Variants in SEMA5A observed in about 807,000 individuals in gnomAD.
SEMA5A encodes the protein semaphorin 5A, also known as semaphorin-5A.
In SEMA5A, 55 loss-of-function variants were observed where a neutral mutation model predicts 135.5. The observed-to-expected ratio is 0.41, with a 90% CI of 0.33 to 0.51. The LOEUF (loss-of-function observed/expected upper bound fraction) is 0.51, where lower values mean the gene tolerates loss of function less well. Ranked by LOEUF, SEMA5A falls within the 20% of genes least tolerant of loss-of-function variation. The probability of loss-of-function intolerance (pLI) is 0.37; values close to 1 mark genes in which losing one functional copy is unlikely to be tolerated. For missense variants in SEMA5A, 1,290 were observed against 1,419.9 expected (o/e 0.91, Z 1.47); for synonymous variants, 580 against 546.5 (o/e 1.06, Z -0.85).
In SEMA5A at chr5:9,327,279, C is replaced by T. The variant is rs530464067; in HGVS notation, c.225-8862G>A. Among the ~76,000 whole-genome samples, 173 of 152,144 alleles carry T rather than the reference C, an allele frequency of 1.1e-3. 2 individuals are homozygous for T. The highest frequency in any genetic ancestry group is 4.1e-3 in the African/African-American group (169 of 41,488). On this transcript the variant is annotated intron_variant, in intron 4 of 22. Transcript: ENST00000382496. ...CTCCTCAGTCAGAATTTTCTCTACC[C>T]TCCTCAAAAATAGTAAATATGTATT...
At chr5:9,114,111 T>C (rs1740388467) in intron 15 of SEMA5A, among the ~76,000 whole-genome samples, 1 of 152,212 alleles carries the variant, frequency 6.6e-6, no homozygotes, top group African/African-American at 2.4e-5. Context: ...CTGAATCTTA[T>C]TCAGCCTTAC....
At chr5:9,352,094 C>CGTGG (rs1554023406) in intron 3 of SEMA5A, among the ~76,000 whole-genome samples, 1 of 132,252 alleles carries the variant, frequency 7.6e-6, no homozygotes, top group East Asian at 2.4e-4. Context: ...TGTAACAGGT[C>CGTGG]GGGGGGGTTA....
intron 4 of SEMA5A, among the ~76,000 whole-genome samples, chr5:9,322,785 C>T (rs1205362933): frequency 1.3e-5 from 2 of 152,122 alleles, no homozygotes; most frequent in South Asian, 2.1e-4. Context: ...CAAGGCCCCA[C>T]CTATTAGTTA....
At chr5:9,390,210 T>C (rs1396264749) in intron 2 of SEMA5A, among the ~76,000 whole-genome samples, 3 of 152,152 alleles carry the variant, frequency 2.0e-5, no homozygotes, top group Non-Finnish European at 4.4e-5. Flanking sequence ...GTCATAATTG[T>C]CCAATTAATG....
intron 11 of SEMA5A, among the ~76,000 whole-genome samples, chr5:9,171,482 C>A (rs1743917713): frequency 6.6e-6 from 1 of 152,164 alleles, no homozygotes; most frequent in African/African-American, 2.4e-5. Context: ...GTCGAGACGA[C>A]AAGCTGAAAG....
intron 2 of SEMA5A, among the ~76,000 whole-genome samples, chr5:9,418,211 C>T (rs1192397561): frequency 6.6e-6 from 1 of 152,008 alleles, no homozygotes; most frequent in Admixed American, 6.6e-5. Flanking sequence ...CTCCTGACCT[C>T]GTGATCCACC....
At chr5:9,052,145 T>A in intron 19 of SEMA5A, 117 bp from the exon 20 acceptor site, 1 of 1,143,812 alleles carries the variant, frequency 8.7e-7, no homozygotes, top group Non-Finnish European at 1.2e-6. Context: ...AGCATATTTT[T>A]AATGGTTCTG....
chr5:9,410,898 G>A (rs998448729), intron 2 of SEMA5A, among the ~76,000 whole-genome samples: 4 of 147,964 alleles, frequency 2.7e-5, no homozygotes, highest in East Asian at 3.9e-4. Flanking sequence ...CATTCAAGCC[G>A]CCTACATTTC....
intron 1 of SEMA5A, among the ~76,000 whole-genome samples, chr5:9,522,258 G>A (rs1736874801): frequency 6.6e-6 from 1 of 152,162 alleles, no homozygotes; most frequent in African/African-American, 2.4e-5. Flanking sequence ...CAGAGAAAAT[G>A]AGGCAGAGAC....
chr5:9,525,648 T>A (rs145176295), intron 1 of SEMA5A, among the ~76,000 whole-genome samples: 10 of 152,302 alleles, frequency 6.6e-5, no homozygotes, highest in African/African-American at 2.4e-4. Context: ...AGAACTTCAA[T>A]CACTGGGACA....
At position 9,171,516 on chromosome 5, in the gene SEMA5A, C is replaced by T. The variant is rs558893880; in HGVS notation, c.1274-16821G>A. ...AGATTCAGTCACTAAACATGCTCCA[C>T]GCTAATGATGCAGAGTCCAGGGCCC... On this transcript the variant is annotated intron_variant, in intron 11 of 22. Transcript: ENST00000382496. Among the ~76,000 whole-genome samples, 4 of 152,298 alleles carry T rather than the reference C, an allele frequency of 2.6e-5. No individual in the cohort carries two copies. In the East Asian group the frequency reaches 5.8e-4, roughly 22 times the overall value.
At chr5:9,505,710 T>C (rs1735845088) in intron 1 of SEMA5A, among the ~76,000 whole-genome samples, 1 of 152,182 alleles carries the variant, frequency 6.6e-6, no homozygotes. Flanking sequence ...TGCTGGCAGC[T>C]TTTCCCAAGA....
chr5:9,180,392 G>A (rs1269756023), intron 11 of SEMA5A, among the ~76,000 whole-genome samples: 1 of 152,016 alleles, frequency 6.6e-6, no homozygotes, highest in African/African-American at 2.4e-5. Flanking sequence ...ATTATGTAAT[G>A]TACCCCCTTC....
intron 5 of SEMA5A, among the ~76,000 whole-genome samples, chr5:9,305,451 A>G (rs1175525441): frequency 6.6e-6 from 1 of 151,786 alleles, no homozygotes; most frequent in Non-Finnish European, 1.5e-5. Context: ...GTTTTTCGTA[A>G]CTGGGAACTG....
chr5:9,466,602 G>C (rs1157960278), intron 1 of SEMA5A, among the ~76,000 whole-genome samples: 2 of 152,190 alleles, frequency 1.3e-5, no homozygotes, highest in Admixed American at 6.5e-5. Context: ...AACTAGATTC[G>C]TGTATTTACA....
At chr5:9,282,157 T>C (rs1255413310) in intron 5 of SEMA5A, among the ~76,000 whole-genome samples, 1 of 152,164 alleles carries the variant, frequency 6.6e-6, no homozygotes, top group East Asian at 1.9e-4. Context: ...CCTCGTTTCC[T>C]TCCACCTTTA....
intron 3 of SEMA5A, among the ~76,000 whole-genome samples, chr5:9,378,105 C>A (rs950191519): frequency 2.0e-5 from 3 of 151,754 alleles, no homozygotes; most frequent in Admixed American, 2.0e-4. Context: ...TTATAATAAT[C>A]AAAATAAGAA....
intron 5 of SEMA5A, among the ~76,000 whole-genome samples, chr5:9,299,234 A>G (rs1751491455): frequency 6.6e-6 from 1 of 152,202 alleles, no homozygotes; most frequent in African/African-American, 2.4e-5. Flanking sequence ...GGGGAATCTC[A>G]TATTAGAACT....
chr5:9,051,823 T>C (rs534699954), intron 20 of SEMA5A, 50 bp downstream of exon 20: 10 of 1,609,272 alleles, frequency 6.2e-6, no homozygotes, highest in Non-Finnish European at 8.5e-6. Flanking sequence ...ATTTTCTCTC[T>C]CCATGTTGGA....
Sources: allele counts gnomAD v4.1 joint callset (sites outside exome capture counted in the v4.1 genomes callset), GRCh38; gene constraint gnomAD v4.1.1; transcripts MANE v1.5; gene names NCBI Gene and HGNC (gene_info 2026-07-23, HGNC 2026-07-21).